Variants in PALM2AKAP2 observed in about 807,000 individuals in gnomAD.
The protein encoded by PALM2AKAP2 is PALM2-AKAP2 fusion protein.
A neutral mutation model predicts 71.5 loss-of-function variants in PALM2AKAP2; 37 were observed. The observed-to-expected ratio is 0.52, with a 90% CI of 0.40 to 0.68. The LOEUF is 0.68. Ranked by LOEUF, PALM2AKAP2 falls within the 30% of genes least tolerant of loss-of-function variation. The probability of loss-of-function intolerance (pLI) is 0.00; values close to 1 mark genes in which losing one functional copy is unlikely to be tolerated. For synonymous variants in PALM2AKAP2, 468 were observed against 478.8 expected (o/e 0.98, Z 0.29); for missense variants, 1,224 against 1,191.8 (o/e 1.03, Z -0.40).
chr9:109,953,852 A>AG (rs1255543037), intron 6 of PALM2AKAP2, among the ~76,000 whole-genome samples: 1 of 151,378 alleles, frequency 6.6e-6, no homozygotes, highest in African/African-American at 2.4e-5. Context: ...AAAAAAAAAA[A>AG]AAAGAAAAGA....
chr9:109,917,484 C>CT (rs59106508), intron 3 of PALM2AKAP2, among the ~76,000 whole-genome samples: 9,203 of 111,414 alleles, frequency 0.083, 588 homozygotes, highest in African/African-American at 0.11. Flanking sequence ...CGCTCCTTTC[C>CT]TTTTTTTTTT....
chr9:109,771,759 G>C (rs1367286272), intron 1 of PALM2AKAP2, among the ~76,000 whole-genome samples: 1 of 152,180 alleles, frequency 6.6e-6, no homozygotes, highest in Non-Finnish European at 1.5e-5. Flanking sequence ...GATGATAACT[G>C]AGTGGGAAGA....
chr9:109,943,612 G>T, intron 6 of PALM2AKAP2: 1 of 741,762 alleles, frequency 1.3e-6, no homozygotes, highest in Non-Finnish European at 2.2e-6. Context: ...GCATGTGTGT[G>T]CTTCATTCTC....
At chr9:109,795,468 A>G (rs1163733321) in intron 1 of PALM2AKAP2, among the ~76,000 whole-genome samples, 1 of 152,252 alleles carries the variant, frequency 6.6e-6, no homozygotes, top group African/African-American at 2.4e-5. Flanking sequence ...CCTAAAACTT[A>G]AAGTATAATA....
intron 1 of PALM2AKAP2, among the ~76,000 whole-genome samples, chr9:109,822,157 G>T (rs976370101): frequency 4.6e-5 from 7 of 152,226 alleles, no homozygotes; most frequent in Non-Finnish European, 8.8e-5. Context: ...AGGGCACAGG[G>T]GTGCCCCACA....
intron 1 of PALM2AKAP2, among the ~76,000 whole-genome samples, chr9:110,057,457 C>A (rs1833871640): frequency 6.6e-6 from 1 of 150,474 alleles, no homozygotes; most frequent in African/African-American, 2.4e-5. Flanking sequence ...CAGCTCACTG[C>A]AACCTCTGCC....
chr9:109,749,312 G>A (rs912737378), intron 1 of PALM2AKAP2, among the ~76,000 whole-genome samples: 3 of 152,024 alleles, frequency 2.0e-5, no homozygotes, highest in Non-Finnish European at 2.9e-5. Flanking sequence ...TTAGTCACGC[G>A]CCCCACCATA....
intron 3 of PALM2AKAP2, among the ~76,000 whole-genome samples, chr9:109,893,418 C>A (rs186541244): frequency 9.2e-5 from 14 of 151,870 alleles, no homozygotes; most frequent in African/African-American, 2.7e-4. Flanking sequence ...GCGTGAGAGG[C>A]TAGAGTTATC....
At chr9:109,985,506 G>A (rs1381070682) in intron 6 of PALM2AKAP2, among the ~76,000 whole-genome samples, 1 of 151,426 alleles carries the variant, frequency 6.6e-6, no homozygotes, top group Non-Finnish European at 1.5e-5. Context: ...TGTAGTCCCA[G>A]CTACTCGGGA....
At chr9:110,021,262 C>T (rs1473929890) in intron 7 of PALM2AKAP2, among the ~76,000 whole-genome samples, 1 of 152,116 alleles carries the variant, frequency 6.6e-6, no homozygotes, top group Non-Finnish European at 1.5e-5. Flanking sequence ...AGTTATGCAG[C>T]CCAAGTCAAG....
intron 2 of PALM2AKAP2, among the ~76,000 whole-genome samples, chr9:110,145,750 C>G (rs558539392): frequency 7.6e-6 from 1 of 131,590 alleles, no homozygotes; most frequent in Admixed American, 7.2e-5. Context: ...TATGTTGAAG[C>G]TATGTTTGGC....
chr9:110,033,295 A>G (rs1475924884), intron 7 of PALM2AKAP2, among the ~76,000 whole-genome samples: 2 of 152,228 alleles, frequency 1.3e-5, no homozygotes, highest in African/African-American at 4.8e-5. Flanking sequence ...AAATAAAAAT[A>G]TGCATTCTGT....
At chr9:110,167,879 A>G (rs182603971) in intron 3 of PALM2AKAP2, among the ~76,000 whole-genome samples, 107 of 152,338 alleles carry the variant, frequency 7.0e-4, no homozygotes, top group African/African-American at 2.4e-3. Flanking sequence ...GCTGTCTAAT[A>G]TGGTAATCAC....
chr9:109,904,910 C>G (rs1490265115), intron 3 of PALM2AKAP2, among the ~76,000 whole-genome samples: 1 of 152,148 alleles, frequency 6.6e-6, no homozygotes, highest in African/African-American at 2.4e-5. Context: ...GGACGTTATG[C>G]AAGCCACTTC....
chr9:109,804,514 T>A (rs1827521630), intron 1 of PALM2AKAP2, among the ~76,000 whole-genome samples: 2 of 152,214 alleles, frequency 1.3e-5, no homozygotes, highest in Non-Finnish European at 2.9e-5. Context: ...TTGACAATCA[T>A]TCTTTTTGCG....
At chr9:109,667,588 G>A (rs945247369) in intron 1 of PALM2AKAP2, among the ~76,000 whole-genome samples, 5 of 152,148 alleles carry the variant, frequency 3.3e-5, no homozygotes, top group East Asian at 3.9e-4. Context: ...TCAGGAGTTC[G>A]AGACCAGCCT....
chr9:110,168,398 G>T lies in PALM2AKAP2; in HGVS notation c.2749-1G>T. On this transcript the variant is annotated splice_acceptor_variant, in intron 3 of 3. Transcript: ENST00000374525. LOFTEE classifies it high-confidence loss of function. Reference sequence around the variant, plus strand: ...CATAATTTTTTCCCCTCTCTTTACAGGTCCTCGAGGCCACACGGGTTAATC... The same window carrying T: ...CATAATTTTTTCCCCTCTCTTTACATGTCCTCGAGGCCACACGGGTTAATC... 1 of 1,613,898 alleles carries T rather than the reference G, an allele frequency of 6.2e-7. No homozygotes were observed. Among genetic ancestry groups the T allele is most frequent in the Non-Finnish European group, 8.5e-7 (1 of 1,179,940 alleles).
intron 1 of PALM2AKAP2, among the ~76,000 whole-genome samples, chr9:110,078,536 A>G (rs1834374033): frequency 6.6e-6 from 1 of 152,214 alleles, no homozygotes; most frequent in South Asian, 2.1e-4. Context: ...AGATCGGGAA[A>G]AGAGCATTTA....
chr9:109,867,942 G>C (rs1829500521), intron 2 of PALM2AKAP2, among the ~76,000 whole-genome samples: 1 of 152,062 alleles, frequency 6.6e-6, no homozygotes. Flanking sequence ...GACCCCAAAA[G>C]ATATATTTCA....
Sources: allele counts gnomAD v4.1 joint callset (sites outside exome capture counted in the v4.1 genomes callset), GRCh38; gene constraint gnomAD v4.1.1; transcripts MANE v1.5; gene names NCBI Gene and HGNC (gene_info 2026-07-23, HGNC 2026-07-21).